The following ESYT3 variants were observed in gnomAD, a reference collection of about 807,000 sequenced individuals.
The protein encoded by ESYT3 is extended synaptotagmin 3.
A neutral mutation model predicts 111.5 loss-of-function variants in ESYT3; 101 were observed. The ratio of observed to expected loss-of-function variants is 0.91; its 90% CI spans 0.77 to 1.07. The LOEUF is 1.07. Ranked by LOEUF, ESYT3 falls within the 50% of genes least tolerant of loss-of-function variation. ESYT3 has a pLI of 0.00. For missense variants in ESYT3, 1,097 were observed against 1,109.4 expected (o/e 0.99, Z 0.16); for synonymous variants, 416 against 446.8 (o/e 0.93, Z 0.87).
In ESYT3 at chr3:138,458,821, G is replaced by A. The variant is rs1036058882; in HGVS notation, c.582-366G>A. Among the ~76,000 whole-genome samples the A allele has an allele frequency of 3.3e-5, 5 of 152,318 alleles. No homozygotes were observed. In the South Asian group the frequency reaches 1.0e-3, roughly 32 times the overall value. ...AGAGATGGGACAGGGGGACAGCAGG[G>A]GTGGAAAAGTGGGCAGCGTGTTTAC... is the stretch of plus-strand genomic sequence containing the variant. On this transcript the variant is annotated intron_variant, in intron 4 of 22. Transcript: ENST00000389567.
intron 1 of ESYT3, among the ~76,000 whole-genome samples, chr3:138,436,440 C>T (rs1271608334): frequency 6.6e-6 from 1 of 152,204 alleles, no homozygotes; most frequent in East Asian, 1.9e-4. Context: ...ACCCTACCTG[C>T]AAATAGAATC....
At position 138,472,805 on chromosome 3, in the gene ESYT3, T is replaced by C. The variant is rs776687837; in HGVS notation, c.2183T>C (p.Leu728Pro). The C allele has an allele frequency of 3.7e-6, 6 of 1,614,252 alleles. No individual in the cohort carries two copies. ...AGGCTGGCTCCCAGCATGTCCTCGC[T>C]CAACTCCTTGGCCTCTTCTTGCTTT... ...PKRLAPSMSSLNSLASSCFDL... is the reference protein window; with the variant it reads ...PKRLAPSMSSPNSLASSCFDL... Residue 728 changes from leucine (L) to proline (P), a missense_variant, in exon 18 of 23, where the codon CTC (leucine) becomes CCC (proline). Transcript: ENST00000389567.
rs76654102 is a variant in ESYT3, at chr3:138,448,967, T to C, written c.328-3081T>C. 6.2e-3 allele frequency among the ~76,000 whole-genome samples: 948 copies of C among 152,214 alleles called. 28 individuals carry two copies. In the East Asian group the frequency reaches 0.065, roughly 10 times the overall value. On this transcript the variant is annotated intron_variant, in intron 1 of 22. Transcript: ENST00000389567. ...TCTTCATGGGGTTCAGACTCATCCA[T>C]GATGGGGCCTCTTGGTGAGGAGCCT...
intron 3 of ESYT3, among the ~76,000 whole-genome samples, chr3:138,455,910 T>TAGGCCTCCTGCCTCGAAGTGCCCC (rs2032248512): frequency 6.6e-6 from 1 of 152,240 alleles, no homozygotes; most frequent in Non-Finnish European, 1.5e-5. Context: ...CTTGGTGCCC[T>TAGGCCTCCTGCCTCGAAGTGCCCC]ACGCCTCCTG....
Position 138,435,483 on chromosome 3 carries a change from C to T in ESYT3, c.327+358C>T, listed in dbSNP as rs78965816. On this transcript the variant is annotated intron_variant, in intron 1 of 22. Transcript: ENST00000389567. The surrounding 1 kb of genome is among the most constrained non-coding windows in gnomAD (Gnocchi z 4.8). ...CTCGGGTTGGAATCAGAAGGCATTT[C>T]TTCCACCCGCCTGTTGATTCAGAGA... Among the ~76,000 whole-genome samples the T allele has an allele frequency of 5.0e-3, 769 of 152,366 alleles. 7 individuals are homozygous for T. The highest frequency in any genetic ancestry group is 0.015 in the African/African-American group (639 of 41,582).
intron 5 of ESYT3, 130 bp downstream of exon 5, chr3:138,459,383 C>A: frequency 4.6e-6 from 3 of 652,172 alleles, no homozygotes; most frequent in Non-Finnish European, 4.8e-6. Flanking sequence ...ATGGTGACTA[C>A]GGAGGAGCTG....
chr3:138,464,273 T>C (rs2032805711), intron 8 of ESYT3, 72 bp from the exon 9 acceptor site: 1 of 1,552,848 alleles, frequency 6.4e-7, no homozygotes, highest in East Asian at 2.2e-5. Flanking sequence ...CTCTGATGGT[T>C]TTAGCTCTGA....
chr3:138,468,327 C>G, intron 12 of ESYT3, 133 bp downstream of exon 12: 1 of 803,060 alleles, frequency 1.2e-6, no homozygotes. Context: ...TCACTCAGCC[C>G]GTCTCCACAC....
chr3:138,479,991 A>G (rs1044822287), downstream of ESYT3: 1 of 152,222 alleles, frequency 6.6e-6, no homozygotes, highest in Non-Finnish European at 1.5e-5. Context: ...GTATGTATTC[A>G]AAATTGCAAG....
At chr3:138,480,272 G>A (rs2033663252), downstream of ESYT3, 1 of 152,116 alleles carries the variant, frequency 6.6e-6, no homozygotes, top group Non-Finnish European at 1.5e-5. Flanking sequence ...AAACAGAAAT[G>A]TTGAAAGTAA....
chr3:138,468,976 G>A, intron 14 of ESYT3, 95 bp downstream of exon 14: 1 of 1,286,840 alleles, frequency 7.8e-7, no homozygotes, highest in Non-Finnish European at 1.1e-6. Flanking sequence ...GCCACAGTCT[G>A]TGCACACACA....
intron 14 of ESYT3, 74 bp downstream of exon 14, chr3:138,468,955 A>T (rs766066198): frequency 6.2e-5 from 91 of 1,465,234 alleles, no homozygotes; most frequent in Non-Finnish European, 8.0e-5. Context: ...CCACAACCCC[A>T]TGTCTTCTGG....
At chr3:138,480,553 T>C (rs1177139781), downstream of ESYT3, 1 of 152,212 alleles carries the variant, frequency 6.6e-6, no homozygotes, top group Non-Finnish European at 1.5e-5. Context: ...TTAAAAAAAC[T>C]GTAGTTCTGT....
chr3:138,462,336 A>T (rs1327727577), intron 8 of ESYT3, 130 bp downstream of exon 8: 18 of 1,263,644 alleles, frequency 1.4e-5, no homozygotes, highest in Non-Finnish European at 2.0e-5. Context: ...TGGTACAAAC[A>T]CCATCGCCCA....
chr3:138,460,323 G>A (rs1318949636), intron 6 of ESYT3, among the ~76,000 whole-genome samples: 2 of 152,182 alleles, frequency 1.3e-5, no homozygotes, highest in Non-Finnish European at 2.9e-5. Context: ...CCATGTGGAC[G>A]ATCCTACTCC....
Position 138,464,343 on chromosome 3 carries a change from A to AG in ESYT3, c.919dup, listed in dbSNP as rs1471109072. 1 of 1,613,840 alleles carries AG rather than the reference A, an allele frequency of 6.2e-7. No homozygotes were observed. The highest frequency in any genetic ancestry group is 1.1e-5 in the South Asian group (1 of 91,070). On this transcript the variant is annotated splice_acceptor_variant, in intron 8 of 22. Transcript: ENST00000389567. LOFTEE classifies it high-confidence loss of function. ...TGAGCCCTGGGCTTGGACATTTTCC[A>AG]GGGGGTGATCAGAGTGCACTTGCTG...
Position 138,464,520 on chromosome 3 carries a change from G to A in ESYT3, c.1086+5G>A, listed in dbSNP as rs1372018229. On this transcript the variant is annotated splice_donor_5th_base_variant and intron_variant, in intron 9 of 22. Coordinates refer to ENST00000389567, the MANE Select transcript of ESYT3 (RefSeq NM_031913.5). ...ACCTGGAACGAAGTGTTTGAGGTAAGGGTCTCCTTGGCTGCTTCTAGCCTT... is the reference window on the plus strand; with the variant it reads ...ACCTGGAACGAAGTGTTTGAGGTAAAGGTCTCCTTGGCTGCTTCTAGCCTT... 1.2e-6 allele frequency: 2 copies of A among 1,613,826 alleles called. No homozygotes were observed. The highest frequency in any genetic ancestry group is 1.7e-6 in the Non-Finnish European group (2 of 1,179,876).
rs1381456899 is a variant in ESYT3, at chr3:138,474,357, G to C, written c.2468+5G>C. On this transcript the variant is annotated splice_donor_5th_base_variant and intron_variant, in intron 20 of 22. Transcript: ENST00000389567. ...GGAACCCCTGTTTGATGAGACGTAA[G>C]TGGGCTGGTGGCCTGCCTAGAGTGC... 2 of 1,585,136 alleles carry C rather than the reference G, an allele frequency of 1.3e-6. No homozygotes were observed. Among genetic ancestry groups the C allele is most frequent in the South Asian group, 2.3e-5 (2 of 85,122 alleles).
intron 1 of ESYT3, among the ~76,000 whole-genome samples, chr3:138,441,725 A>C (rs2031165357): frequency 6.6e-6 from 1 of 152,040 alleles, no homozygotes; most frequent in Non-Finnish European, 1.5e-5. Context: ...TGCTTGAGGC[A>C]AGTGATTTCC....
Sources: gnomAD v4.1 joint callset for allele counts (sites outside exome capture counted in the v4.1 genomes callset) on GRCh38, gnomAD v4.1.1 for gene constraint, Gnocchi (gnomAD v3.1) non-coding constraint, MANE v1.5 for transcripts, NCBI Gene and HGNC (gene_info 2026-07-23, HGNC 2026-07-21) for gene names.